The following ESRRG variants were observed in gnomAD, a reference collection of about 807,000 sequenced individuals.
The protein encoded by ESRRG is estrogen related receptor gamma.
A neutral mutation model predicts 44.0 loss-of-function variants in ESRRG; 13 were observed. That is an observed-to-expected ratio of 0.30 (90% confidence interval 0.19 to 0.47). ESRRG has a LOEUF of 0.47. Ranked by LOEUF, ESRRG falls within the 20% of genes least tolerant of loss-of-function variation. The pLI is 1.00. For missense variants in ESRRG, 395 were observed against 580.6 expected, an observed-to-expected ratio of 0.68 and a Z score of 3.29; for synonymous variants, 215 against 214.6, an observed-to-expected ratio of 1.00 and a Z score of -0.02.
intron 1 of ESRRG, among the ~76,000 whole-genome samples, chr1:216,948,485 A>C (rs2066440356): frequency 6.6e-6 from 1 of 151,462 alleles, no homozygotes; most frequent in Non-Finnish European, 1.5e-5. Context: ...TCAAAAAAAA[A>C]AAAAAAAAAA....
chr1:216,919,987 A>G (rs1394387410), intron 2 of ESRRG, among the ~76,000 whole-genome samples: 2 of 152,204 alleles, frequency 1.3e-5, no homozygotes, highest in African/African-American at 4.8e-5. Context: ...GGCGAAGCCT[A>G]CAAAAGGGTA....
chr1:216,584,580 A>T (rs563633296), intron 3 of ESRRG, among the ~76,000 whole-genome samples: 161 of 152,276 alleles, frequency 1.1e-3, no homozygotes, highest in Non-Finnish European at 1.8e-3. Flanking sequence ...TATAAATGGG[A>T]AAAAACATAA....
chr1:216,977,523 C>T (rs573051769), intron 1 of ESRRG, among the ~76,000 whole-genome samples: 1 of 152,018 alleles, frequency 6.6e-6, no homozygotes, highest in Non-Finnish European at 1.5e-5. Context: ...AAGCTGTAAC[C>T]CTTACTGAAT....
At chr1:216,587,422 C>T (rs897841531) in intron 3 of ESRRG, among the ~76,000 whole-genome samples, 4 of 152,112 alleles carry the variant, frequency 2.6e-5, no homozygotes, top group African/African-American at 7.2e-5. Flanking sequence ...CATGGATTCA[C>T]TGTGAACTTT....
intron 2 of ESRRG, among the ~76,000 whole-genome samples, chr1:216,860,855 G>A (rs780068943): frequency 6.6e-6 from 1 of 152,082 alleles, no homozygotes; most frequent in Non-Finnish European, 1.5e-5. Context: ...ATTATTATTA[G>A]TACATCTCTT....
In ESRRG at chr1:216,506,479, A is replaced by G. The variant is rs987578279; in HGVS notation, c.*460T>C. On this transcript the variant is annotated 3_prime_UTR_variant, in exon 7 of 7. Coordinates refer to ENST00000408911, the MANE Select transcript of ESRRG (RefSeq NM_001438.4). Reference sequence around the variant, plus strand: ...GAAAGGAAAGGGAAAAGGAAAGGGAAAAAGGAAAGAAAGGGAAAGGAAAGG... The same window carrying G: ...GAAAGGAAAGGGAAAAGGAAAGGGAGAAAGGAAAGAAAGGGAAAGGAAAGG... 1 of 355,380 alleles carries G rather than the reference A, an allele frequency of 2.8e-6. No homozygotes were observed. Among genetic ancestry groups the G allele is most frequent in the African/African-American group, 2.2e-5 (1 of 45,718 alleles). The allele number at this position is 355,380 out of a possible 1,614,324, so 22.0% of individuals were successfully genotyped here.
At chr1:217,054,139 T>C (rs2086637712) in intron 1 of ESRRG, among the ~76,000 whole-genome samples, 1 of 152,156 alleles carries the variant, frequency 6.6e-6, no homozygotes, top group Non-Finnish European at 1.5e-5. Context: ...CTGGAAACTA[T>C]TGACAAAACA....
intron 6 of ESRRG, among the ~76,000 whole-genome samples, chr1:216,516,292 T>C (rs1280573629): frequency 6.6e-6 from 1 of 152,118 alleles, no homozygotes; most frequent in Non-Finnish European, 1.5e-5. Flanking sequence ...GTTCATGACA[T>C]ATTGTTGTTT....
intron 2 of ESRRG, among the ~76,000 whole-genome samples, chr1:216,768,450 T>TTATCTATCTATCTATCTATC: frequency 8.7e-6 from 1 of 114,762 alleles, no homozygotes; most frequent in South Asian, 3.4e-4. Flanking sequence ...CTATCTATCA[T>TTATCTATCTATCTATCTATC]TATCTATCTA....
At chr1:216,607,305 T>C (rs1465003476) in intron 3 of ESRRG, among the ~76,000 whole-genome samples, 2 of 152,154 alleles carry the variant, frequency 1.3e-5, no homozygotes, top group African/African-American at 4.8e-5. Context: ...ATAGTACAGG[T>C]TTGACCATCA....
At chr1:216,901,937 T>G (rs1322691271) in intron 2 of ESRRG, among the ~76,000 whole-genome samples, 1 of 152,040 alleles carries the variant, frequency 6.6e-6, no homozygotes, top group African/African-American at 2.4e-5. Flanking sequence ...TTTATTTTTA[T>G]TTTTTTATAG....
rs149022417 is a variant in ESRRG, at chr1:216,574,040, C to T, written c.590-5942G>A. ...ACACAAACAATTTCTGTTTGGACTC[C>T]ACTTGAAAACCACTTTTGAAGAAGT... On this transcript the variant is annotated intron_variant, in intron 3 of 6. Transcript: ENST00000408911. Among the ~76,000 whole-genome samples, 12 of 152,110 alleles carry T rather than the reference C, an allele frequency of 7.9e-5. No individual in the cohort carries two copies. In the East Asian group the frequency reaches 2.3e-3, roughly 29 times the overall value.
chr1:216,675,526 T>A (rs2075954954), intron 2 of ESRRG, among the ~76,000 whole-genome samples: 1 of 152,168 alleles, frequency 6.6e-6, no homozygotes, highest in Non-Finnish European at 1.5e-5. Flanking sequence ...AGGCTCCACA[T>A]AAATTAGTTT....
intron 2 of ESRRG, among the ~76,000 whole-genome samples, chr1:216,848,524 C>A (rs773050739): frequency 6.6e-6 from 1 of 152,018 alleles, no homozygotes; most frequent in Non-Finnish European, 1.5e-5. Context: ...CATTTCCATA[C>A]ATCTAGTTTT....
At chr1:216,574,560 G>T (rs1052609369) in intron 3 of ESRRG, among the ~76,000 whole-genome samples, 8 of 152,094 alleles carry the variant, frequency 5.3e-5, no homozygotes, top group Non-Finnish European at 1.2e-4. Context: ...TCCCTTCAGA[G>T]AATTACACAA....
At chr1:216,646,000 T>C (rs2067493796) in intron 3 of ESRRG, among the ~76,000 whole-genome samples, 1 of 152,098 alleles carries the variant, frequency 6.6e-6, no homozygotes, top group African/African-American at 2.4e-5. Flanking sequence ...ACATTAGCTT[T>C]CTCCTCCCTC....
chr1:216,816,263 T>G (rs2148536856), intron 2 of ESRRG, among the ~76,000 whole-genome samples: 1 of 152,316 alleles, frequency 6.6e-6, no homozygotes, highest in Non-Finnish European at 1.5e-5. Flanking sequence ...ACCGTGGTCA[T>G]TTAATAACAC....
At chr1:216,668,227 A>G (rs1244711310) in intron 2 of ESRRG, among the ~76,000 whole-genome samples, 2 of 152,180 alleles carry the variant, frequency 1.3e-5, no homozygotes, top group Non-Finnish European at 2.9e-5. Flanking sequence ...TTGCAAATAC[A>G]TTGCTAGGAA....
intron 1 of ESRRG, among the ~76,000 whole-genome samples, chr1:216,976,480 GTT>G (rs1560330814): frequency 2.0e-5 from 3 of 152,108 alleles, no homozygotes; most frequent in African/African-American, 7.2e-5. Flanking sequence ...GCTGTTGGCT[GTT>G]TTATTAAGTT....
Sources: gnomAD v4.1 joint callset for allele counts (sites outside exome capture counted in the v4.1 genomes callset) on GRCh38, gnomAD v4.1.1 for gene constraint, MANE v1.5 for transcripts, NCBI Gene and HGNC (gene_info 2026-07-23, HGNC 2026-07-21) for gene names.